The following AGBL1 variants were observed in gnomAD, a reference collection of about 807,000 sequenced individuals.
AGBL1 encodes the protein AGBL carboxypeptidase 1.
AGBL1 carries 130 observed loss-of-function variants against 118.9 expected under a neutral mutation model. The ratio of observed to expected loss-of-function variants is 1.09; its 90% CI spans 0.95 to 1.26. AGBL1 has a LOEUF of 1.26. Ranked by LOEUF, AGBL1 falls within the 50% of genes most tolerant of loss-of-function variation. AGBL1 has a pLI of 0.00. For synonymous variants in AGBL1, 555 were observed against 478.9 expected (o/e 1.16, Z -2.08); for missense variants, 1,584 against 1,298.1 (o/e 1.22, Z -3.38).
intron 18 of AGBL1, among the ~76,000 whole-genome samples, chr15:86,433,409 C>T (rs1235444569): frequency 6.6e-6 from 1 of 151,378 alleles, no homozygotes; most frequent in Non-Finnish European, 1.5e-5. Context: ...GTGAAGGCCC[C>T]TGTTCAGGCT....
chr15:86,549,059 T>A (rs1288212807), intron 20 of AGBL1, among the ~76,000 whole-genome samples: 1 of 152,044 alleles, frequency 6.6e-6, no homozygotes, highest in African/African-American at 2.4e-5. Context: ...AAGAAGATGA[T>A]GCAAAACCAT....
At chr15:86,862,791 G>T (rs1046094346) in intron 22 of AGBL1, among the ~76,000 whole-genome samples, 1 of 152,164 alleles carries the variant, frequency 6.6e-6, no homozygotes, top group Admixed American at 6.5e-5. Context: ...AAGCATTTAC[G>T]TAACAGCTAT....
At chr15:86,556,119 A>G (rs2083729939) in intron 21 of AGBL1, 2 of 835,210 alleles carry the variant, frequency 2.4e-6, no homozygotes, top group Non-Finnish European at 3.8e-6. Context: ...CGTAAGTATC[A>G]GTGCCATTCA....
At position 86,634,797 on chromosome 15, in the gene AGBL1, T is replaced by C. The variant is rs1237922902; in HGVS notation, c.2995-39476T>C. Among the ~76,000 whole-genome samples the C allele has an allele frequency of 2.0e-5, 3 of 152,200 alleles. No individual in the cohort carries two copies. The East Asian group carries it at 5.8e-4, about 29-fold the overall frequency. On this transcript the variant is annotated intron_variant, in intron 21 of 22. Transcript: ENST00000614907. ...ATTCACACAAACTTGATGAAGCTAA[T>C]ATAACTGAAAAGACTCTGGCAATAA...
At chr15:86,414,137 C>T (rs1294777585) in intron 18 of AGBL1, among the ~76,000 whole-genome samples, 2 of 151,956 alleles carry the variant, frequency 1.3e-5, no homozygotes, top group African/African-American at 4.8e-5. Flanking sequence ...TACACATGAA[C>T]ATAGAGTATG....
At chr15:86,553,341 C>A (rs1198933095) in intron 20 of AGBL1, among the ~76,000 whole-genome samples, 3 of 152,202 alleles carry the variant, frequency 2.0e-5, no homozygotes, top group Admixed American at 2.0e-4. Flanking sequence ...GCTGGAAGAT[C>A]CCTTTCTGTC....
intron 22 of AGBL1, among the ~76,000 whole-genome samples, chr15:86,712,691 C>A (rs956526697): frequency 6.6e-6 from 1 of 152,114 alleles, no homozygotes; most frequent in African/African-American, 2.4e-5. Context: ...TCTATTAGTC[C>A]TGGGATACGG....
chr15:86,889,944 G>T (rs1267044589), intron 22 of AGBL1, among the ~76,000 whole-genome samples: 1 of 152,130 alleles, frequency 6.6e-6, no homozygotes, highest in East Asian at 1.9e-4. Context: ...TGATATTGCT[G>T]CCTCTAGATC....
At chr15:86,712,352 A>C (rs1018894846) in intron 22 of AGBL1, among the ~76,000 whole-genome samples, 1 of 149,398 alleles carries the variant, frequency 6.7e-6, no homozygotes, top group Non-Finnish European at 1.5e-5. Context: ...GGGATTACAG[A>C]GACGATGTGT....
intron 24 of AGBL1, among the ~76,000 whole-genome samples, chr15:86,999,094 G>A (rs7495868): frequency 0.1 from 15,059 of 151,064 alleles, 1,468 homozygotes; most frequent in African/African-American, 0.24. Flanking sequence ...CTATGAGTGA[G>A]AACATGCAGT....
intron 22 of AGBL1, among the ~76,000 whole-genome samples, chr15:86,811,378 A>G (rs1465525223): frequency 2.0e-5 from 3 of 152,166 alleles, no homozygotes; most frequent in African/African-American, 7.2e-5. Context: ...AGATAACTGG[A>G]GTAGTAAGAT....
intron 22 of AGBL1, among the ~76,000 whole-genome samples, chr15:86,739,303 C>G (rs1235931243): frequency 1.3e-5 from 2 of 151,840 alleles, no homozygotes; most frequent in Admixed American, 6.6e-5. Flanking sequence ...ATTAGCCGGG[C>G]TTGGTGGCAC....
chr15:86,222,655 T>C lies in AGBL1; in HGVS notation c.489-2259T>C, dbSNP rs145004671. On this transcript the variant is annotated intron_variant, in intron 5 of 22. Coordinates refer to ENST00000614907, the MANE Select transcript of AGBL1 (RefSeq NM_001386094.1). ...ATGTGCCCTTTGCTGCACTAAACAT[T>C]GATCTCCTACTTATGCCCTAGGAAG... 4.1e-3 allele frequency among the ~76,000 whole-genome samples: 627 copies of C among 152,302 alleles called. 7 individuals carry two copies. Among genetic ancestry groups the C allele is most frequent in the African/African-American group, 0.014 (592 of 41,568 alleles).
At chr15:86,365,060 CAT>C (rs888535768) in intron 17 of AGBL1, among the ~76,000 whole-genome samples, 9 of 146,290 alleles carry the variant, frequency 6.2e-5, no homozygotes, top group Admixed American at 3.4e-4. Context: ...TATATATACA[CAT>C]ATATATATAC....
At chr15:86,484,779 A>G (rs562284269) in intron 18 of AGBL1, among the ~76,000 whole-genome samples, 8 of 152,132 alleles carry the variant, frequency 5.3e-5, no homozygotes, top group Middle Eastern at 3.2e-3. Flanking sequence ...CTGCAGCTGT[A>G]TTGTTCGACT....
intron 1 of AGBL1, among the ~76,000 whole-genome samples, chr15:86,133,433 G>A (rs1283209725): frequency 1.3e-5 from 2 of 152,020 alleles, no homozygotes; most frequent in Non-Finnish European, 2.9e-5. Flanking sequence ...CAATAAACCC[G>A]GCACCTATTC....
At chr15:86,802,090 T>C (rs532417381) in intron 22 of AGBL1, among the ~76,000 whole-genome samples, 2 of 152,252 alleles carry the variant, frequency 1.3e-5, no homozygotes, top group Admixed American at 1.3e-4. Flanking sequence ...TTTGCCGAGT[T>C]CTTTTTGTGG....
At chr15:86,115,071 G>C (rs1294216380) in intron 1 of AGBL1, among the ~76,000 whole-genome samples, 2 of 152,204 alleles carry the variant, frequency 1.3e-5, no homozygotes, top group Non-Finnish European at 2.9e-5. Flanking sequence ...AGGAAGACCT[G>C]AGGTAATATC....
chr15:86,702,942 G>A (rs930866829), intron 22 of AGBL1, among the ~76,000 whole-genome samples: 4 of 151,486 alleles, frequency 2.6e-5, no homozygotes, highest in African/African-American at 7.3e-5. Flanking sequence ...AATATAATTC[G>A]AAGACTGACC....
Sources: gnomAD v4.1 joint callset for allele counts (sites outside exome capture counted in the v4.1 genomes callset) on GRCh38, gnomAD v4.1.1 for gene constraint, MANE v1.5 for transcripts, NCBI Gene and HGNC (gene_info 2026-07-23, HGNC 2026-07-21) for gene names.